The following MBD3 variants were observed in gnomAD, a reference collection of about 807,000 sequenced individuals.
The protein encoded by MBD3 is methyl-CpG-binding domain protein 3.
Under a neutral mutation model 31.2 loss-of-function variants are expected in MBD3, and 13 were observed. The ratio of observed to expected loss-of-function variants is 0.42; its 90% CI spans 0.27 to 0.66. The LOEUF (loss-of-function observed/expected upper bound fraction) is 0.66, where lower values mean the gene tolerates loss of function less well. MBD3 is among the 30% of genes least tolerant of loss of function. The probability of loss-of-function intolerance (pLI) is 0.26; values close to 1 mark genes in which losing one functional copy is unlikely to be tolerated. For synonymous variants in MBD3, 223 were observed against 187.4 expected, an observed-to-expected ratio of 1.19 and a Z score of -1.55; for missense variants, 440 against 426.5, an observed-to-expected ratio of 1.03 and a Z score of -0.28.
Position 1,581,133 on chromosome 19 carries a change from C to T in MBD3, c.636G>A (p.Gln212=). The change falls in exon 5 of 7, where the codon CAG becomes CAA. Residue 212 remains glutamine (Q), a synonymous_variant. Transcript: ENST00000434436. ...KNPGVWLNTT[Q]PLCKAFMVTD... is the part of the protein sequence containing the mutation. ...TCACCATGAAGGCTTTGCACAGGGG[C>T]TGCGTGGTGTTGAGCCATACGCCGG... is the stretch of plus-strand genomic sequence containing the variant. 6.2e-7 allele frequency: 1 copy of T among 1,614,160 alleles called. No individual in the cohort carries two copies. Among genetic ancestry groups the T allele is most frequent in the Non-Finnish European group, 8.5e-7 (1 of 1,180,040 alleles).
In MBD3 at chr19:1,585,147, T is replaced by G. The variant is rs891263141; in HGVS notation, c.178A>C (p.Ser60Arg). The stretch of plus-strand genomic sequence containing the variant: ...TTGCCCGTGCGGAAGTCGAAGGTGC[T>G]CAGGTCCATGGAGCCGCCCAGGTAG... ...ARYLGGSMDLSTFDFRTGKML... is the reference protein window; with the variant it reads ...ARYLGGSMDLRTFDFRTGKML... Residue 60 changes from serine (S) to arginine (R), a missense_variant, in exon 2 of 7, where the codon AGC becomes CGC. Ser to Arg is a moderately radical substitution (Grantham distance 110). Coordinates refer to ENST00000434436, the MANE Select transcript of MBD3 (RefSeq NM_001281453.2). This position sits in a 1 kb window ranked among gnomAD's most constrained non-coding sequence, Gnocchi z 4.1. 3 of 1,611,144 alleles carry G rather than the reference T, an allele frequency of 1.9e-6. No homozygotes were observed. The highest frequency in any genetic ancestry group is 1.7e-6 in the Non-Finnish European group (2 of 1,179,448).
rs373091191 is a variant in MBD3, at chr19:1,578,801, T to C, written c.678-263A>G. The stretch of plus-strand genomic sequence containing the variant: ...TGGGACCAAGGGAGGGGCCTGACCC[T>C]TCAGTCCCCAGACTTGGCCCTGAGC... On this transcript the variant is annotated intron_variant, in intron 5 of 6. Coordinates refer to ENST00000434436, the MANE Select transcript of MBD3 (RefSeq NM_001281453.2). The surrounding 1 kb of genome is among the most constrained non-coding windows in gnomAD (Gnocchi z 6.1). 4.7e-3 allele frequency among the ~76,000 whole-genome samples: 721 copies of C among 152,220 alleles called. 7 individuals carry two copies. The highest frequency in any genetic ancestry group is 0.016 in the African/African-American group (684 of 41,546).
In MBD3 at chr19:1,575,056, T is replaced by C. The variant is rs1238632336; in HGVS notation, c.*3108A>G. 8.0e-6 allele frequency: 3 copies of C among 373,210 alleles called. No homozygotes were observed. Among genetic ancestry groups the C allele is most frequent in the Admixed American group, 3.0e-5 (1 of 33,058 alleles). The allele number at this position is 373,210 out of a possible 1,614,324, so 23.1% of individuals were successfully genotyped here. A position where few individuals can be genotyped will look rare whatever the true frequency, so the allele number is the denominator to read the frequency against. ...ACGGGGGTCCTGAGCCTCTCCTCCC[T>C]GGTACCCTCTGTGGCGGCAGCGGTG... On this transcript the variant is annotated 3_prime_UTR_variant, in exon 7 of 7. Coordinates refer to ENST00000434436, the MANE Select transcript of MBD3 (RefSeq NM_001281453.2).
chr19:1,585,340 A>C lies in MBD3; in HGVS notation c.111-126T>G. On this transcript the variant is annotated intron_variant, in intron 1 of 6. Transcript: ENST00000434436. The surrounding 1 kb of genome is among the most constrained non-coding windows in gnomAD (Gnocchi z 4.1). Reference sequence around the variant, plus strand: ...CGCGACCCCAGCCCCAGACCCCAACACGGCCCTGACCCCAAACCCAGGCAG... The same window carrying C: ...CGCGACCCCAGCCCCAGACCCCAACCCGGCCCTGACCCCAAACCCAGGCAG... 1.3e-5 allele frequency: 14 copies of C among 1,041,664 alleles called. No homozygotes were observed. The highest frequency in any genetic ancestry group is 1.8e-5 in the Non-Finnish European group (13 of 725,398). 64.5% of individuals were successfully genotyped at this position (1,041,664 alleles called of 1,614,324 possible).
rs1917211804 is a variant in MBD3, at chr19:1,577,020, C to G, written c.*1144G>C. ...TCACAGTCCAGCCACAGGGGCGACT[C>G]TGCCCATCAGTCCCCCTGGGGCAGC... On this transcript the variant is annotated 3_prime_UTR_variant, in exon 7 of 7. Coordinates refer to ENST00000434436, the MANE Select transcript of MBD3 (RefSeq NM_001281453.2). The G allele has an allele frequency of 6.6e-6, 1 of 152,392 alleles. No homozygotes were observed. Among genetic ancestry groups the G allele is most frequent in the Non-Finnish European group, 1.5e-5 (1 of 68,142 alleles). The allele number at this position is 152,392 out of a possible 1,614,324, so 9.4% of individuals were successfully genotyped here. A position where few individuals can be genotyped will look rare whatever the true frequency, so the allele number is the denominator to read the frequency against.
At position 1,584,674 on chromosome 19, in the gene MBD3, T is replaced by C; in HGVS notation, c.274A>G (p.Lys92Glu). 6.2e-7 allele frequency: 1 copy of C among 1,611,556 alleles called. No homozygotes were observed. Among genetic ancestry groups the C allele is most frequent in the East Asian group, 2.2e-5 (1 of 44,864 alleles). Residue 92 changes from lysine (K) to glutamate (E), a missense_variant, in exon 3 of 7, where the codon AAG becomes GAG. Physicochemically the swap from Lys to Glu is moderately conservative, Grantham distance 56 (BLOSUM62 1). Transcript: ENST00000434436. ...RYDSSNQVKG[K>E]PDLNTALPVR... is the part of the protein sequence containing the mutation. ...GGCAGCGCCGTGTTCAGGTCGGGCT[T>C]GCCCTGCGGGAGGAAGGATATGCAG...
chr19:1,578,410 T>C lies in MBD3; in HGVS notation c.806A>G (p.Asp269Gly). 1 of 1,604,912 alleles carries C rather than the reference T, an allele frequency of 6.2e-7. No homozygotes were observed. The change falls in exon 6 of 7, where the codon GAC becomes GGC. Residue 269 changes from aspartate to glycine, a missense_variant. This residue lies in a region of MBD3 where 117 missense variants were observed against 95.0 expected (regional missense o/e 1.23). Transcript: ENST00000434436. The surrounding 1 kb of genome is among the most constrained non-coding windows in gnomAD (Gnocchi z 6.1). The stretch of plus-strand genomic sequence containing the variant: ...CTCCTCCTCGTCTTCCTCGTCGTCG[T>C]CCTCAGCGCAGGCCTTGTCCAGCGG... Reference protein sequence around the residue: ...EAPLDKACAEDDDEEDEEEEE... With the variant: ...EAPLDKACAEGDDEEDEEEEE...
intron 4 of MBD3, among the ~76,000 whole-genome samples, 197 bp downstream of exon 4, chr19:1,582,425 T>C (rs1245964225): frequency 6.6e-6 from 1 of 152,046 alleles, no homozygotes; most frequent in Non-Finnish European, 1.5e-5. Flanking sequence ...AGGTCAAGAA[T>C]GAAGGGCCCA....
Position 1,587,452 on chromosome 19 carries a change from T to C in MBD3, c.111-2238A>G, listed in dbSNP as rs116223721. 1.4e-3 allele frequency among the ~76,000 whole-genome samples: 220 copies of C among 152,094 alleles called. 1 individual carries two copies. The highest frequency in any genetic ancestry group is 5.1e-3 in the African/African-American group (212 of 41,472). On this transcript the variant is annotated intron_variant, in intron 1 of 6. Coordinates refer to ENST00000434436, the MANE Select transcript of MBD3 (RefSeq NM_001281453.2). ...CTTTTAGATCCAGGGTCTCCTTGTG[T>C]CGCCCAGGCTGGAGTGCAGTGGTGT... is the stretch of plus-strand genomic sequence containing the variant.
chr19:1,578,440 T>C lies in MBD3; in HGVS notation c.776A>G (p.Glu259Gly). Residue 259 changes from glutamate to glycine, a missense_variant, in exon 6 of 7, where the codon GAG (glutamate) becomes GGG (glycine). This residue lies in a region of MBD3 where 117 missense variants were observed against 95.0 expected (regional missense o/e 1.23). Transcript: ENST00000434436. The surrounding 1 kb of genome is among the most constrained non-coding windows in gnomAD (Gnocchi z 6.1). ...AGCGCAGGCCTTGTCCAGCGGCGCC[T>C]CCCCGTCACGGGCCAGCTCCTCCAC... The part of the protein sequence containing the change: ...AHVEELARDG[E>G]APLDKACAED... 1 of 1,606,420 alleles carries C rather than the reference T, an allele frequency of 6.2e-7. No homozygotes were observed.
Position 1,578,721 on chromosome 19 carries a change from G to A in MBD3, c.678-183C>T, listed in dbSNP as rs964604420. Reference sequence around the variant, plus strand: ...TCCACGCAGAGAATGACCGGCTGCCGCTGGCCATCGCCAGCGTCCGCCACC... The same window carrying A: ...TCCACGCAGAGAATGACCGGCTGCCACTGGCCATCGCCAGCGTCCGCCACC... On this transcript the variant is annotated intron_variant, in intron 5 of 6. Transcript: ENST00000434436. This position sits in a 1 kb window ranked among gnomAD's most constrained non-coding sequence, Gnocchi z 6.1. 2.0e-5 allele frequency among the ~76,000 whole-genome samples: 3 copies of A among 152,116 alleles called. No homozygotes were observed. Among genetic ancestry groups the A allele is most frequent in the Admixed American group, 6.5e-5 (1 of 15,278 alleles).
In MBD3 at chr19:1,585,628, C is replaced by T. The variant is rs1189386660; in HGVS notation, c.111-414G>A. ...ACGCTGAGTTCGGGTACAAACGCTACTACCTACAGGGCTTTGGGCCCCGGC... is the reference window on the plus strand; with the variant it reads ...ACGCTGAGTTCGGGTACAAACGCTATTACCTACAGGGCTTTGGGCCCCGGC... On this transcript the variant is annotated intron_variant, in intron 1 of 6. Coordinates refer to ENST00000434436, the MANE Select transcript of MBD3 (RefSeq NM_001281453.2). The surrounding 1 kb of genome is among the most constrained non-coding windows in gnomAD (Gnocchi z 4.1). 4.9e-5 allele frequency: 13 copies of T among 265,034 alleles called. 1 individual carries two copies. The South Asian group carries it at 4.9e-4, about 10-fold the overall frequency. 16.4% of individuals were successfully genotyped at this position (265,034 alleles called of 1,614,324 possible).
intron 4 of MBD3, among the ~76,000 whole-genome samples, chr19:1,582,162 C>A (rs117138672): frequency 3.0e-4 from 46 of 152,044 alleles, no homozygotes; most frequent in Non-Finnish European, 5.4e-4. Flanking sequence ...CCAGCCCCGC[C>A]AAGTGCTGGG....
At chr19:1,587,408 CT>C (rs372109361) in intron 1 of MBD3, among the ~76,000 whole-genome samples, 2 of 148,618 alleles carry the variant, frequency 1.3e-5, no homozygotes, top group Admixed American at 6.7e-5. Context: ...TGCTTCATTT[CT>C]TTTTTTTTTC....
At chr19:1,580,585 C>T (rs990425469) in intron 5 of MBD3, among the ~76,000 whole-genome samples, 6 of 152,258 alleles carry the variant, frequency 3.9e-5, no homozygotes, top group African/African-American at 1.4e-4. Context: ...TGCGTCCACT[C>T]TGCACACTGG....
intron 1 of MBD3, among the ~76,000 whole-genome samples, chr19:1,589,625 C>T (rs2060694871): frequency 6.6e-6 from 1 of 152,086 alleles, no homozygotes; most frequent in African/African-American, 2.4e-5. Flanking sequence ...TGCATTCCAC[C>T]CTGGGTGACA....
At chr19:1,581,989 G>A (rs190020763) in intron 4 of MBD3, among the ~76,000 whole-genome samples, 81 of 152,106 alleles carry the variant, frequency 5.3e-4, no homozygotes, top group East Asian at 2.1e-3. Flanking sequence ...GGATGATCTC[G>A]ATCTCCTGAC....
rs1361741631 is a variant in MBD3 at position 1,581,452 on chromosome 19, A to T, written c.500-183T>A. ...TTACTACATTCATAACAGAAAAAAAAGCAAGTTAGGCCAGGCGTGGCGACT... is the reference window on the plus strand; with the variant it reads ...TTACTACATTCATAACAGAAAAAAATGCAAGTTAGGCCAGGCGTGGCGACT... On this transcript the variant is annotated intron_variant, in intron 4 of 6. Coordinates refer to ENST00000434436, the MANE Select transcript of MBD3 (RefSeq NM_001281453.2). 2.6e-5 allele frequency: 18 copies of T among 689,490 alleles called. No individual in the cohort carries two copies. The East Asian group carries it at 4.9e-4, about 19-fold the overall frequency. 42.7% of individuals were successfully genotyped at this position (689,490 alleles called of 1,614,324 possible). A position where few individuals can be genotyped will look rare whatever the true frequency, so the allele number is the denominator to read the frequency against.
intron 4 of MBD3, among the ~76,000 whole-genome samples, chr19:1,582,205 CCT>C (rs2060655518): frequency 6.6e-6 from 1 of 152,056 alleles, no homozygotes; most frequent in Non-Finnish European, 1.5e-5. Flanking sequence ...CCCAGCCGAC[CCT>C]GTCTCAAAAA....
Sources: gnomAD v4.1 joint callset for allele counts (sites outside exome capture counted in the v4.1 genomes callset) on GRCh38, gnomAD v4.1.1 for gene constraint, gnomAD v4.1.1 regional missense constraint, Gnocchi (gnomAD v3.1) non-coding constraint, MANE v1.5 for transcripts, NCBI Gene and HGNC (gene_info 2026-07-23, HGNC 2026-07-21) for gene names.